Variants in COL28A1 observed in about 807,000 individuals in gnomAD.
The protein encoded by COL28A1 is collagen alpha-1(XXVIII) chain.
Under a neutral mutation model 150.2 loss-of-function variants are expected in COL28A1, and 161 were observed. The observed-to-expected ratio is 1.07, with a 90% CI of 0.94 to 1.22. COL28A1 has a LOEUF of 1.22. Ranked by LOEUF, COL28A1 falls within the 50% of genes most tolerant of loss-of-function variation. COL28A1 has a pLI of 0.00. For synonymous variants in COL28A1, 552 were observed against 469.7 expected, an observed-to-expected ratio of 1.18 and a Z score of -2.26; for missense variants, 1,617 against 1,388.3, an observed-to-expected ratio of 1.16 and a Z score of -2.62.
At chr7:7,442,136 C>T (rs1288160889) in intron 20 of COL28A1, among the ~76,000 whole-genome samples, 2 of 152,114 alleles carry the variant, frequency 1.3e-5, no homozygotes, top group African/African-American at 4.8e-5. Context: ...TTTCATAAGC[C>T]ACAAGTCACC....
In COL28A1 at chr7:7,398,826, G is replaced by C. The variant is rs140636511; in HGVS notation, c.2137-17214C>G. On this transcript the variant is annotated intron_variant, in intron 27 of 34. Transcript: ENST00000399429. ...TGCTGTCTTTGCTGGCCATCTGCAC[G>C]ATGCAGTCTCCTTGTCCTCCTGAGT... Among the ~76,000 whole-genome samples, 656 of 152,292 alleles carry C rather than the reference G, an allele frequency of 4.3e-3. 3 individuals carry two copies. The highest frequency in any genetic ancestry group is 0.01 in the South Asian group (50 of 4,820).
At chr7:7,511,164 G>A (rs1781114196) in intron 8 of COL28A1, 29 bp from the exon 9 acceptor site, 4 of 1,538,346 alleles carry the variant, frequency 2.6e-6, no homozygotes, top group African/African-American at 1.4e-5. Flanking sequence ...AAATAAATAA[G>A]AGAACACTTG....
Position 7,436,376 on chromosome 7 carries a change from G to C in COL28A1, c.1860+19C>G, listed in dbSNP as rs865986069. ...TATTTCAGATACAGAAAAACAAAAAGAACATGAATAAAGCATACCTTTGGT... is the reference window on the plus strand; with the variant it reads ...TATTTCAGATACAGAAAAACAAAAACAACATGAATAAAGCATACCTTTGGT... On this transcript the variant is annotated intron_variant, in intron 23 of 34. Coordinates refer to ENST00000399429, the MANE Select transcript of COL28A1 (RefSeq NM_001037763.3). 5.2e-6 allele frequency: 6 copies of C among 1,148,162 alleles called. No homozygotes were observed. The highest frequency in any genetic ancestry group is 7.9e-6 in the Non-Finnish European group (6 of 755,026). 71.1% of individuals were successfully genotyped at this position (1,148,162 alleles called of 1,614,324 possible).
intron 27 of COL28A1, among the ~76,000 whole-genome samples, chr7:7,408,704 A>C (rs1451480606): frequency 6.6e-6 from 1 of 151,996 alleles, no homozygotes; most frequent in Non-Finnish European, 1.5e-5. Flanking sequence ...ACTAAATGCA[A>C]CTCCTGGATT....
chr7:7,537,891 T>A (rs1484075750), upstream of COL28A1, among the ~76,000 whole-genome samples: 1 of 152,206 alleles, frequency 6.6e-6, no homozygotes, highest in African/African-American at 2.4e-5. Context: ...AACTCTCTTT[T>A]TGCTGAGGCA....
At chr7:7,517,916 G>A in intron 6 of COL28A1, 79 bp from the exon 7 acceptor site, 1 of 1,533,384 alleles carries the variant, frequency 6.5e-7, no homozygotes, top group Non-Finnish European at 8.9e-7. Flanking sequence ...TTATACAGAA[G>A]ATTAATAGCT....
At chr7:7,379,700 C>T (rs1781760364) in intron 30 of COL28A1, among the ~76,000 whole-genome samples, 1 of 152,220 alleles carries the variant, frequency 6.6e-6, no homozygotes, top group Non-Finnish European at 1.5e-5. Context: ...ACCAGTCCCT[C>T]TCCCCACGTT....
At chr7:7,398,472 T>C (rs766863892) in intron 27 of COL28A1, among the ~76,000 whole-genome samples, 28 of 152,242 alleles carry the variant, frequency 1.8e-4, no homozygotes, top group Non-Finnish European at 2.1e-4. Flanking sequence ...CATGGATACA[T>C]GCTCACAATT....
At chr7:7,381,729 G>A in intron 27 of COL28A1, 117 bp from the exon 28 acceptor site, 3 of 655,120 alleles carry the variant, frequency 4.6e-6, no homozygotes, top group Non-Finnish European at 2.7e-6. Flanking sequence ...CTAAATATTA[G>A]GGGAAATATA....
At position 7,443,986 on chromosome 7, in the gene COL28A1, GTTTT is replaced by G. The variant is rs71010980; in HGVS notation, c.1582-337_1582-334del. ...AAGACCTTCAGCCTTTCCATCTGCT[GTTTT>G]TTTTTTTTTTTTTTTTTGCTACTTT... On this transcript the variant is annotated intron_variant, in intron 19 of 34. Coordinates refer to ENST00000399429, the MANE Select transcript of COL28A1 (RefSeq NM_001037763.3). Among the ~76,000 whole-genome samples, 9 of 95,546 alleles carry G rather than the reference GTTTT, an allele frequency of 9.4e-5. No individual in the cohort carries two copies. The South Asian group carries it at 1.5e-3, about 16-fold the overall frequency. 62.7% of individuals were successfully genotyped at this position (95,546 alleles called of 152,430 possible).
Position 7,444,527 on chromosome 7 carries a change from A to AT in COL28A1, c.1510-39dup, listed in dbSNP as rs1786102117. ...CAAATATTTTATTTCCCTAAAGTTC[A>AT]TACCTCCATTCTGAGGTACTTGCAA... On this transcript the variant is annotated intron_variant, in intron 18 of 34. Transcript: ENST00000399429. 6 of 1,597,640 alleles carry AT rather than the reference A, an allele frequency of 3.8e-6. No individual in the cohort carries two copies. The South Asian group carries it at 6.6e-5, about 18-fold the overall frequency.
At chr7:7,458,549 T>G (rs908202567) in intron 15 of COL28A1, among the ~76,000 whole-genome samples, 2 of 152,200 alleles carry the variant, frequency 1.3e-5, no homozygotes, top group African/African-American at 4.8e-5. Flanking sequence ...TGGAATACAC[T>G]ACTTAGTGCT....
chr7:7,532,685 T>G (rs1269315179), intron 2 of COL28A1, 67 bp downstream of exon 2: 3 of 1,552,960 alleles, frequency 1.9e-6, no homozygotes, highest in South Asian at 1.2e-5. Flanking sequence ...CAAATGCTAT[T>G]TAGAAAAATT....
chr7:7,430,185 G>A (rs1351734465), intron 25 of COL28A1, among the ~76,000 whole-genome samples: 1 of 152,048 alleles, frequency 6.6e-6, no homozygotes, highest in East Asian at 1.9e-4. Flanking sequence ...GGAGTGCAGT[G>A]GTGCGATCTC....
At chr7:7,383,011 G>C (rs1301756853) in intron 27 of COL28A1, among the ~76,000 whole-genome samples, 4 of 151,876 alleles carry the variant, frequency 2.6e-5, no homozygotes, top group Admixed American at 6.6e-5. Context: ...CAAATCAAAA[G>C]GGCCTATTCT....
In COL28A1 at chr7:7,373,006, G is replaced by T; in HGVS notation, c.2900C>A (p.Thr967Asn). 6.2e-7 allele frequency: 1 copy of T among 1,613,004 alleles called. No individual in the cohort carries two copies. Among genetic ancestry groups the T allele is most frequent in the African/African-American group, 1.3e-5 (1 of 75,000 alleles). The stretch of plus-strand genomic sequence containing the variant: ...CAGATAGCCTTCCTTACCTTGCAGG[G>T]TAAAGAAATCATCAAACTGGTAAAC... ...EHVYQFDDFF[T>N]LQDTLKQKLF... The change falls in exon 32 of 35, where the codon ACC becomes AAC. Residue 967 changes from threonine (T) to asparagine (N), a missense_variant. Coordinates refer to ENST00000399429, the MANE Select transcript of COL28A1 (RefSeq NM_001037763.3). The surrounding 1 kb of genome is among the most constrained non-coding windows in gnomAD (Gnocchi z 4.1).
rs765480481 is a variant in COL28A1 at position 7,380,794 on chromosome 7, A to G, written c.2274T>C (p.Ser758=). The G allele has an allele frequency of 6.2e-7, 1 of 1,613,832 alleles. No homozygotes were observed. Among genetic ancestry groups the G allele is most frequent in the East Asian group, 2.2e-5 (1 of 44,870 alleles). ...GDKGEIGEPG[S]PGKQGLQGPK... is the part of the protein sequence containing the mutation. The stretch of plus-strand genomic sequence containing the variant: ...AAAAACTACTTGCCTGTTTTCCTGG[A>G]GATCCAGGCTCTCCAATTTCTCCTT... Residue 758 remains serine, a synonymous_variant, in exon 29 of 35, where the codon TCT becomes TCC. Transcript: ENST00000399429.
chr7:7,474,564 T>C (rs750908428), intron 15 of COL28A1, 37 bp downstream of exon 15: 1 of 878,628 alleles, frequency 1.1e-6, no homozygotes, highest in Non-Finnish European at 1.9e-6. Flanking sequence ...ACAATTTTAT[T>C]GGCATTGTTT....
chr7:7,535,613 G>A (rs1050314429), intron 1 of COL28A1, 137 bp downstream of exon 1: 3 of 152,000 alleles, frequency 2.0e-5, no homozygotes, highest in Admixed American at 6.6e-5. Flanking sequence ...TAATTGATTT[G>A]AAGTAATTGC....
Sources: gnomAD v4.1 joint callset for allele counts (sites outside exome capture counted in the v4.1 genomes callset) on GRCh38, gnomAD v4.1.1 for gene constraint, Gnocchi (gnomAD v3.1) non-coding constraint, MANE v1.5 for transcripts, NCBI Gene and HGNC (gene_info 2026-07-23, HGNC 2026-07-21) for gene names.